Variants in TP53BP2 observed in about 807,000 individuals in gnomAD.
TP53BP2 encodes apoptosis-stimulating of p53 protein 2.
TP53BP2 carries 62 observed loss-of-function variants against 126.2 expected under a neutral mutation model. The observed-to-expected ratio is 0.49, with a 90% CI of 0.40 to 0.61. The LOEUF (loss-of-function observed/expected upper bound fraction) is 0.61, where lower values mean the gene tolerates loss of function less well. Among genes scored for constraint, TP53BP2 ranks in the 20% least tolerant of loss-of-function variants. The pLI, the probability that TP53BP2 is intolerant of heterozygous loss-of-function variation, is 0.00. For missense variants in TP53BP2, 1,215 were observed against 1,402.8 expected (o/e 0.87, Z 2.14); for synonymous variants, 485 against 502.9 (o/e 0.96, Z 0.48).
At chr1:223,829,342 CTA>C (rs1243905202) in intron 1 of TP53BP2, among the ~76,000 whole-genome samples, 3 of 151,942 alleles carry the variant, frequency 2.0e-5, no homozygotes, top group Non-Finnish European at 2.9e-5. Context: ...GTTTAGTACT[CTA>C]TTACATGAAT....
At chr1:223,809,602 T>G (rs1662839684) in intron 4 of TP53BP2, among the ~76,000 whole-genome samples, 1 of 151,764 alleles carries the variant, frequency 6.6e-6, no homozygotes, top group African/African-American at 2.4e-5. Context: ...TAAAAATAAG[T>G]AAATCAAAGA....
intron 1 of TP53BP2, among the ~76,000 whole-genome samples, chr1:223,837,460 G>C (rs184505031): frequency 6.6e-6 from 1 of 152,156 alleles, no homozygotes; most frequent in Admixed American, 6.5e-5. Context: ...CACCATTCCT[G>C]TCTGGTCTTA....
chr1:223,789,221 G>A, intron 15 of TP53BP2, 47 bp from the exon 16 acceptor site: 1 of 1,592,710 alleles, frequency 6.3e-7, no homozygotes, highest in Non-Finnish European at 8.6e-7. Context: ...TAAACTGAAT[G>A]ACACCTGCTG....
rs767405600 is a variant in TP53BP2, at chr1:223,802,282, T to C, written c.1059A>G (p.Val353=). 1.9e-6 allele frequency: 3 copies of C among 1,614,210 alleles called. No homozygotes were observed. Among genetic ancestry groups the C allele is most frequent in the Non-Finnish European group, 8.5e-7 (1 of 1,180,032 alleles). The change falls in exon 9 of 18, where the codon GTA becomes GTG. Residue 353 remains valine (V), a synonymous_variant. Transcript: ENST00000343537. ...TAGTAGACGACTGGATATAGGGACC[T>C]ACTGCAGCCACACGGCTTGGGGCTG... The part of the protein sequence containing the change: ...AASAPSRVAA[V]GPYIQSSTMP...
At chr1:223,840,810 G>A (rs909438003) in intron 1 of TP53BP2, among the ~76,000 whole-genome samples, 1 of 152,170 alleles carries the variant, frequency 6.6e-6, no homozygotes, top group African/African-American at 2.4e-5. Flanking sequence ...CTCCTTAATT[G>A]TTAAATATAA....
chr1:223,798,197 G>A lies in TP53BP2; in HGVS notation c.1948+18C>T. 1 of 1,601,004 alleles carries A rather than the reference G, an allele frequency of 6.2e-7. No individual in the cohort carries two copies. Among genetic ancestry groups the A allele is most frequent in the Non-Finnish European group, 8.5e-7 (1 of 1,172,754 alleles). On this transcript the variant is annotated intron_variant, in intron 12 of 17. Transcript: ENST00000343537. The stretch of plus-strand genomic sequence containing the variant: ...TATAGAACTTAAGCACGTCACCTAT[G>A]AACGTTAAGAACCTTACCACTTGAA...
rs3058420 is a variant in TP53BP2, at chr1:223,825,026, A to AACACACACACACACACACACACAC, written c.28-3683_28-3660dup. 2.5e-3 allele frequency among the ~76,000 whole-genome samples: 366 copies of AACACACACACACACACACACACAC among 143,538 alleles called. 2 individuals are homozygous for AACACACACACACACACACACACAC. Among genetic ancestry groups the AACACACACACACACACACACACAC allele is most frequent in the African/African-American group, 8.7e-3 (333 of 38,348 alleles). 94.2% of individuals were successfully genotyped at this position (143,538 alleles called of 152,430 possible). ...AACCCTACCTAGAATTCCAACACCA[A>AACACACACACACACACACACACAC]ACACACACACACACACACACACACA... On this transcript the variant is annotated intron_variant, in intron 1 of 17. Transcript: ENST00000343537.
chr1:223,806,170 T>C (rs549459077), intron 5 of TP53BP2, among the ~76,000 whole-genome samples: 4 of 152,324 alleles, frequency 2.6e-5, no homozygotes, highest in African/African-American at 9.6e-5. Context: ...GATTAATCTA[T>C]GGTATGGTTA....
chr1:223,781,326 T>C (rs1661771119), intron 17 of TP53BP2, among the ~76,000 whole-genome samples: 1 of 152,234 alleles, frequency 6.6e-6, no homozygotes, highest in African/African-American at 2.4e-5. Flanking sequence ...ACAATGGACA[T>C]GACATTGTGT....
At chr1:223,823,640 C>T (rs61823585) in intron 1 of TP53BP2, among the ~76,000 whole-genome samples, 14,489 of 152,156 alleles carry the variant, frequency 0.095, 751 homozygotes, top group African/African-American at 0.14. Context: ...CAAGGCAGCA[C>T]TCAAAATTAT....
intron 10 of TP53BP2, 68 bp downstream of exon 10, chr1:223,800,632 A>G: frequency 1.7e-6 from 2 of 1,154,870 alleles, no homozygotes; most frequent in Non-Finnish European, 2.5e-6. Context: ...TGGACTCTCT[A>G]AAAGAATACA....
chr1:223,792,208 T>A (rs746167849), intron 15 of TP53BP2, among the ~76,000 whole-genome samples, 181 bp downstream of exon 15: 3 of 152,218 alleles, frequency 2.0e-5, no homozygotes, highest in African/African-American at 4.8e-5. Context: ...GGGAATGAGA[T>A]GACTGTTACA....
intron 1 of TP53BP2, among the ~76,000 whole-genome samples, chr1:223,843,502 T>C (rs1044051806): frequency 6.6e-6 from 1 of 152,224 alleles, no homozygotes; most frequent in African/African-American, 2.4e-5. Context: ...GCAGTCTAAA[T>C]AGTAAACCAT....
chr1:223,798,626 T>C lies in TP53BP2; in HGVS notation c.1537A>G (p.Lys513Glu). 2 of 1,614,110 alleles carry C rather than the reference T, an allele frequency of 1.2e-6. No individual in the cohort carries two copies. Among genetic ancestry groups the C allele is most frequent in the Non-Finnish European group, 1.7e-6 (2 of 1,179,990 alleles). The change falls in exon 12 of 18, where the codon AAA becomes GAA. Residue 513 changes from lysine (K) to glutamate (E), a missense_variant. Lys to Glu is a moderately conservative substitution (Grantham distance 56). Around this residue, in one of 4 missense-constraint regions of TP53BP2, gnomAD observed 814 missense variants for 853.0 expected, o/e 0.95. Coordinates refer to ENST00000343537, the MANE Select transcript of TP53BP2 (RefSeq NM_001031685.3). ...CCAAAATAAGGCAAATTAATCTGTTTTGGTTTTGTAGGAACAGGAGGTGGT... is the reference window on the plus strand; with the variant it reads ...CCAAAATAAGGCAAATTAATCTGTTCTGGTTTTGTAGGAACAGGAGGTGGT... Reference protein sequence around the residue: ...KVPPPVPTKPKQINLPYFGQT... With the variant: ...KVPPPVPTKPEQINLPYFGQT...
At chr1:223,812,078 A>G (rs1300957162) in intron 3 of TP53BP2, among the ~76,000 whole-genome samples, 3 of 152,092 alleles carry the variant, frequency 2.0e-5, no homozygotes, top group Non-Finnish European at 2.9e-5. Flanking sequence ...CAAAAAAAAA[A>G]AGAAAAAAGC....
rs1333924101 is a variant in TP53BP2 at position 223,845,798 on chromosome 1, G to A, written c.-118C>T. 8 of 1,007,330 alleles carry A rather than the reference G, an allele frequency of 7.9e-6. No individual in the cohort carries two copies. The highest frequency in any genetic ancestry group is 3.4e-4 in the Middle Eastern group (1 of 2,932). The allele number at this position is 1,007,330 out of a possible 1,614,324, so 62.4% of individuals were successfully genotyped here. Reference sequence around the variant, plus strand: ...GGACCTGTTGCGAGGCGGCGGCGGCGGCAGCGGCGGCGCGCGGGTCCGAAG... The same window carrying A: ...GGACCTGTTGCGAGGCGGCGGCGGCAGCAGCGGCGGCGCGCGGGTCCGAAG... On this transcript the variant is annotated 5_prime_UTR_variant, in exon 1 of 18. Coordinates refer to ENST00000343537, the MANE Select transcript of TP53BP2 (RefSeq NM_001031685.3).
At position 223,796,185 on chromosome 1, in the gene TP53BP2, G is replaced by A; in HGVS notation, c.2354C>T (p.Ala785Val). The change falls in exon 13 of 18, where the codon GCC becomes GTC. Residue 785 changes from alanine to valine, a missense_variant. By Grantham distance (64) the Ala-to-Val change is moderately conservative. This residue lies in a region of TP53BP2 where 204 missense variants were observed against 225.7 expected (regional missense o/e 0.90). Coordinates refer to ENST00000343537, the MANE Select transcript of TP53BP2 (RefSeq NM_001031685.3). This position sits in a 1 kb window ranked among gnomAD's most constrained non-coding sequence, Gnocchi z 4.2. ...SYPSKSASVT[A>V]SSESPVEIQN... ...GATTTCTACTGGGCTTTCTGAGCTG[G>A]CAGTCACAGAAGCTGACTTGGATGG... is the stretch of plus-strand genomic sequence containing the variant. 1 of 1,614,180 alleles carries A rather than the reference G, an allele frequency of 6.2e-7. No homozygotes were observed. The highest frequency in any genetic ancestry group is 8.5e-7 in the Non-Finnish European group (1 of 1,180,034).
At chr1:223,834,882 T>C (rs1663866619) in intron 1 of TP53BP2, 3 of 984,454 alleles carry the variant, frequency 3.0e-6, no homozygotes, top group Non-Finnish European at 3.6e-6. Flanking sequence ...CCATTCACAC[T>C]GTAGTTGTCT....
At chr1:223,811,042 G>T (rs1662893227) in intron 3 of TP53BP2, among the ~76,000 whole-genome samples, 1 of 152,070 alleles carries the variant, frequency 6.6e-6, no homozygotes, top group African/African-American at 2.4e-5. Context: ...GTGGTAATTT[G>T]TAAGTACTAT....
Sources: allele counts gnomAD v4.1 joint callset (sites outside exome capture counted in the v4.1 genomes callset), GRCh38; gene constraint gnomAD v4.1.1; regional missense constraint gnomAD v4.1.1; non-coding constraint Gnocchi (gnomAD v3.1); transcripts MANE v1.5; gene names NCBI Gene and HGNC (gene_info 2026-07-23, HGNC 2026-07-21).